MMP16: variants seen among roughly 807,000 people sequenced by gnomAD.
MMP16 encodes the protein matrix metalloproteinase-16.
In MMP16, 12 loss-of-function variants were observed where a neutral mutation model predicts 67.8. The ratio of observed to expected loss-of-function variants is 0.18; its 90% CI spans 0.11 to 0.29. The LOEUF (loss-of-function observed/expected upper bound fraction) is 0.29, where lower values mean the gene tolerates loss of function less well. MMP16 is among the 10% of genes least tolerant of loss of function. The probability of loss-of-function intolerance (pLI) is 1.00; values close to 1 mark genes in which losing one functional copy is unlikely to be tolerated. For synonymous variants in MMP16, 249 were observed against 255.9 expected (o/e 0.97, Z 0.26); for missense variants, 475 against 765.7 (o/e 0.62, Z 4.48).
intron 3 of MMP16, among the ~76,000 whole-genome samples, chr8:88,186,051 A>T (rs749154086): frequency 1.3e-5 from 2 of 152,220 alleles, no homozygotes; most frequent in Non-Finnish European, 2.9e-5. Context: ...CCACTTGCAT[A>T]ATTAAGAAAA....
chr8:88,071,346 G>C (rs569324966), intron 7 of MMP16, among the ~76,000 whole-genome samples: 1 of 151,798 alleles, frequency 6.6e-6, no homozygotes, highest in South Asian at 2.1e-4. Flanking sequence ...ATACCTTTAG[G>C]TATAATTAAT....
intron 1 of MMP16, among the ~76,000 whole-genome samples, chr8:88,319,509 C>A (rs1811425856): frequency 6.6e-6 from 1 of 151,762 alleles, no homozygotes; most frequent in Non-Finnish European, 1.5e-5. Context: ...GGAATGAATG[C>A]ACAGACATTA....
chr8:88,088,778 A>G (rs1808886708), intron 6 of MMP16, among the ~76,000 whole-genome samples: 1 of 152,108 alleles, frequency 6.6e-6, no homozygotes, highest in Non-Finnish European at 1.5e-5. Flanking sequence ...GCTGTGGAGT[A>G]AAATAGTGAT....
intron 1 of MMP16, among the ~76,000 whole-genome samples, chr8:88,206,324 T>TATG (rs1056699032): frequency 6.6e-6 from 1 of 152,070 alleles, no homozygotes; most frequent in Non-Finnish European, 1.5e-5. Flanking sequence ...GTGGTTTCGT[T>TATG]ATGATGATGA....
At chr8:88,209,684 T>A (rs1228415598) in intron 1 of MMP16, among the ~76,000 whole-genome samples, 1 of 8,866 alleles carries the variant, frequency 1.1e-4, no homozygotes, top group African/African-American at 3.1e-4. Flanking sequence ...TCTCTCTATG[T>A]ATGTAACTCG....
rs192901560 is a variant in MMP16, at chr8:88,192,470, T to C, written c.281+4688A>G. 2.1e-3 allele frequency among the ~76,000 whole-genome samples: 323 copies of C among 152,320 alleles called. 2 individuals carry two copies. The highest frequency in any genetic ancestry group is 0.02 in the South Asian group (98 of 4,834). On this transcript the variant is annotated intron_variant, in intron 2 of 9. Coordinates refer to ENST00000286614, the MANE Select transcript of MMP16 (RefSeq NM_005941.5). ...CTTTTTACCTTTCAGAATAGGAATCTAAGGTCCCTGCTCACTAGCTATCAA... is the reference window on the plus strand; with the variant it reads ...CTTTTTACCTTTCAGAATAGGAATCCAAGGTCCCTGCTCACTAGCTATCAA...
At chr8:88,271,418 AT>A (rs1475935729) in intron 1 of MMP16, among the ~76,000 whole-genome samples, 2 of 152,222 alleles carry the variant, frequency 1.3e-5, no homozygotes, top group Admixed American at 1.3e-4. Flanking sequence ...TCTATATAGA[AT>A]TATTTTTATA....
chr8:88,223,846 T>TA (rs1427243705), intron 1 of MMP16, among the ~76,000 whole-genome samples: 6 of 151,522 alleles, frequency 4.0e-5, no homozygotes, highest in Non-Finnish European at 8.8e-5. Context: ...ATAATAATAA[T>TA]AAAAAAAGAA....
At chr8:88,231,239 T>C (rs990470639) in intron 1 of MMP16, among the ~76,000 whole-genome samples, 3 of 152,178 alleles carry the variant, frequency 2.0e-5, no homozygotes, top group African/African-American at 7.2e-5. Flanking sequence ...TCTCTAACGA[T>C]TCACTGAAAT....
chr8:88,268,342 C>G (rs1810510975), intron 1 of MMP16, among the ~76,000 whole-genome samples: 1 of 152,002 alleles, frequency 6.6e-6, no homozygotes, highest in South Asian at 2.1e-4. Context: ...AACTCTGTCT[C>G]AAAAAGAAAA....
At chr8:88,140,596 G>A (rs1808197138) in intron 4 of MMP16, among the ~76,000 whole-genome samples, 2 of 152,162 alleles carry the variant, frequency 1.3e-5, no homozygotes, top group Non-Finnish European at 1.5e-5. Context: ...AAATTAATCT[G>A]GTTCCTGCTG....
At chr8:88,281,066 T>G (rs998272565) in intron 1 of MMP16, among the ~76,000 whole-genome samples, 1 of 152,146 alleles carries the variant, frequency 6.6e-6, no homozygotes, top group African/African-American at 2.4e-5. Flanking sequence ...CAGAAAGTCA[T>G]AAACACAGCA....
intron 5 of MMP16, among the ~76,000 whole-genome samples, chr8:88,117,335 A>T (rs568976127): frequency 3.3e-4 from 50 of 152,276 alleles, no homozygotes; most frequent in African/African-American, 1.1e-3. Context: ...ATTAATGTGA[A>T]GAAGTATTTC....
rs149453023 is a variant in MMP16 at position 88,142,864 on chromosome 8, C to T, written c.710-24003G>A. ...TGGTCAGTTTAAGGGATGTTAAATA[C>T]AGAAGAATTAATTCTCGATTGTTCT... On this transcript the variant is annotated intron_variant, in intron 4 of 9. Transcript: ENST00000286614. 2.0e-4 allele frequency among the ~76,000 whole-genome samples: 31 copies of T among 152,134 alleles called. No individual in the cohort carries two copies. In the East Asian group the frequency reaches 5.2e-3, roughly 26 times the overall value.
chr8:88,325,008 A>T (rs73692228), intron 1 of MMP16, among the ~76,000 whole-genome samples: 5,176 of 152,298 alleles, frequency 0.034, 151 homozygotes, highest in Admixed American at 0.09. Context: ...CCATTTTATT[A>T]AGCAAGATTT....
intron 4 of MMP16, among the ~76,000 whole-genome samples, chr8:88,122,885 A>ATC (rs28907626): frequency 0.014 from 2,144 of 149,272 alleles, 40 homozygotes; most frequent in African/African-American, 0.05. Context: ...CTTCCATCTT[A>ATC]TCTCTCTCTC....
chr8:88,252,646 CAAA>C (rs10715771), intron 1 of MMP16, among the ~76,000 whole-genome samples: 33 of 128,050 alleles, frequency 2.6e-4, no homozygotes, highest in Admixed American at 4.7e-4. Flanking sequence ...CACCTCTTAG[CAAA>C]AAAAAAAAAA....
intron 1 of MMP16, among the ~76,000 whole-genome samples, chr8:88,232,785 A>AT (rs1439345076): frequency 1.3e-5 from 2 of 152,142 alleles, no homozygotes; most frequent in Non-Finnish European, 2.9e-5. Context: ...TAAGGTGACA[A>AT]TTTTTTTGAG....
chr8:88,098,283 T>C (rs1809064412), intron 6 of MMP16, among the ~76,000 whole-genome samples: 2 of 152,146 alleles, frequency 1.3e-5, no homozygotes, highest in African/African-American at 4.8e-5. Context: ...CAACTATGGG[T>C]GCTCATCTGA....
Sources: gnomAD v4.1 joint callset for allele counts (sites outside exome capture counted in the v4.1 genomes callset) on GRCh38, gnomAD v4.1.1 for gene constraint, MANE v1.5 for transcripts, NCBI Gene and HGNC (gene_info 2026-07-23, HGNC 2026-07-21) for gene names.